NSMCE2: variants seen among roughly 807,000 people sequenced by gnomAD.
NSMCE2 encodes the protein E3 SUMO-protein ligase NSE2.
Under a neutral mutation model 23.8 loss-of-function variants are expected in NSMCE2, and 24 were observed. That is an observed-to-expected ratio of 1.01 (90% CI 0.73 to 1.42). NSMCE2 has a LOEUF of 1.42. NSMCE2 is among the 40% of genes most tolerant of loss of function. NSMCE2 has a pLI of 0.00. For synonymous variants in NSMCE2, 92 were observed against 94.1 expected (o/e 0.98, Z 0.13); for missense variants, 284 against 296.5 (o/e 0.96, Z 0.31).
chr8:125,257,730 T>C (rs573523625), intron 5 of NSMCE2, among the ~76,000 whole-genome samples: 1 of 152,130 alleles, frequency 6.6e-6, no homozygotes, highest in South Asian at 2.1e-4. Flanking sequence ...GAAACGGGGT[T>C]TCATTGTGTT....
At chr8:125,202,748 A>T (rs1823940322) in intron 5 of NSMCE2, among the ~76,000 whole-genome samples, 1 of 152,234 alleles carries the variant, frequency 6.6e-6, no homozygotes, top group Non-Finnish European at 1.5e-5. Context: ...AAGGATAAAC[A>T]TTTTAAAGTT....
chr8:125,342,993 G>A (rs1188902258), intron 5 of NSMCE2, among the ~76,000 whole-genome samples: 2 of 151,952 alleles, frequency 1.3e-5, no homozygotes, highest in African/African-American at 4.8e-5. Context: ...TTTTTTAAAC[G>A]AGTATATTGT....
intron 3 of NSMCE2, among the ~76,000 whole-genome samples, chr8:125,116,411 T>A (rs1049824931): frequency 6.6e-6 from 1 of 152,146 alleles, no homozygotes; most frequent in African/African-American, 2.4e-5. Context: ...GTTAAAAAAA[T>A]TATTATTATT....
intron 4 of NSMCE2, among the ~76,000 whole-genome samples, chr8:125,169,381 A>T (rs1386406322): frequency 6.6e-6 from 1 of 152,180 alleles, no homozygotes; most frequent in Non-Finnish European, 1.5e-5. Context: ...AAACTTAATG[A>T]TAGATTTGAC....
chr8:125,255,869 C>T (rs1401238866), intron 5 of NSMCE2, among the ~76,000 whole-genome samples: 1 of 152,022 alleles, frequency 6.6e-6, no homozygotes, highest in Non-Finnish European at 1.5e-5. Context: ...GTCAGATGGC[C>T]GTTGCAGCAG....
chr8:125,239,816 T>C (rs935777677), intron 5 of NSMCE2, among the ~76,000 whole-genome samples: 12 of 152,082 alleles, frequency 7.9e-5, no homozygotes, highest in Admixed American at 6.5e-5. Flanking sequence ...CCAAAGTGCA[T>C]GAGATAGTAT....
chr8:125,315,655 T>G (rs1406413866), intron 5 of NSMCE2, among the ~76,000 whole-genome samples: 1 of 152,170 alleles, frequency 6.6e-6, no homozygotes, highest in Non-Finnish European at 1.5e-5. Context: ...CCTAAGGAAA[T>G]GTAAGAGTTT....
rs1368003747 is a variant in NSMCE2, at chr8:125,263,652, AG to A, written c.418+81398del. 2.0e-5 allele frequency among the ~76,000 whole-genome samples: 3 copies of A among 152,028 alleles called. No homozygotes were observed. In the East Asian group the frequency reaches 5.8e-4, roughly 29 times the overall value. ...ATAATCCCAGCTACTCTGGAGGTTG[AG>A]GCAGGACAATCTCTTGAACCCGGGA... On this transcript the variant is annotated intron_variant, in intron 5 of 7. Transcript: ENST00000287437.
At chr8:125,234,105 A>T (rs570367077) in intron 5 of NSMCE2, among the ~76,000 whole-genome samples, 2 of 151,888 alleles carry the variant, frequency 1.3e-5, no homozygotes, top group African/African-American at 4.8e-5. Context: ...AAGCAGGAGA[A>T]TGGCGTGAAC....
chr8:125,225,993 C>T (rs1386064484), intron 5 of NSMCE2, among the ~76,000 whole-genome samples: 1 of 152,102 alleles, frequency 6.6e-6, no homozygotes, highest in Non-Finnish European at 1.5e-5. Context: ...TGAAGTTGCC[C>T]CCACTTAGCA....
At chr8:125,099,728 A>G in intron 1 of NSMCE2, among the ~76,000 whole-genome samples, 1 of 152,068 alleles carries the variant, frequency 6.6e-6, no homozygotes, top group East Asian at 1.9e-4. Flanking sequence ...ATGGAACCCT[A>G]GTGGGGGTGG....
At chr8:125,233,873 T>C (rs781099614) in intron 5 of NSMCE2, among the ~76,000 whole-genome samples, 3 of 152,066 alleles carry the variant, frequency 2.0e-5, no homozygotes, top group African/African-American at 4.8e-5. Context: ...TCCCTATTGA[T>C]TATTTATTTA....
chr8:125,307,445 C>A (rs1348533731), intron 5 of NSMCE2, among the ~76,000 whole-genome samples: 3 of 152,230 alleles, frequency 2.0e-5, no homozygotes, highest in African/African-American at 7.2e-5. Flanking sequence ...TGAACTTTTC[C>A]ATCAGTCCTG....
intron 5 of NSMCE2, among the ~76,000 whole-genome samples, chr8:125,267,380 G>T (rs573920458): frequency 6.6e-6 from 1 of 152,108 alleles, no homozygotes; most frequent in Non-Finnish European, 1.5e-5. Context: ...AAAGGCTTTC[G>T]TTTGTATGTA....
chr8:125,324,150 G>A (rs1829553878), intron 5 of NSMCE2, among the ~76,000 whole-genome samples: 1 of 152,204 alleles, frequency 6.6e-6, no homozygotes, highest in Non-Finnish European at 1.5e-5. Flanking sequence ...TATTAGGATA[G>A]TTAAAGTTTT....
At chr8:125,357,164 T>A in intron 5 of NSMCE2, 55 bp from the exon 6 acceptor site, 1 of 1,179,744 alleles carries the variant, frequency 8.5e-7, no homozygotes. Flanking sequence ...TTCCATTCCT[T>A]CCTTTTCTTT....
intron 3 of NSMCE2, among the ~76,000 whole-genome samples, chr8:125,140,493 T>C (rs1820308360): frequency 6.6e-6 from 1 of 152,114 alleles, no homozygotes; most frequent in African/African-American, 2.4e-5. Context: ...TGAAACCCCA[T>C]CTCTACTGAA....
chr8:125,224,570 A>G (rs925613443), intron 5 of NSMCE2, among the ~76,000 whole-genome samples: 1 of 152,096 alleles, frequency 6.6e-6, no homozygotes, highest in African/African-American at 2.4e-5. Flanking sequence ...TTCTTTCCCC[A>G]TTGTGTGCTC....
chr8:125,328,664 A>T (rs2131291503), intron 5 of NSMCE2, among the ~76,000 whole-genome samples: 1 of 152,300 alleles, frequency 6.6e-6, no homozygotes. Context: ...CTCAATGTGT[A>T]GTGTTTTATT....
Sources: gnomAD v4.1 joint callset for allele counts (sites outside exome capture counted in the v4.1 genomes callset) on GRCh38, gnomAD v4.1.1 for gene constraint, MANE v1.5 for transcripts, NCBI Gene and HGNC (gene_info 2026-07-23, HGNC 2026-07-21) for gene names.